CHM: variants seen among roughly 807,000 people sequenced by gnomAD.
The protein encoded by CHM is CHM Rab escort protein, also known as rab proteins geranylgeranyltransferase component A 1.
A neutral mutation model predicts 49.0 loss-of-function variants in CHM; 10 were observed. That is an observed-to-expected ratio of 0.20 (90% CI 0.13 to 0.35). CHM has a LOEUF of 0.35. Among genes scored for constraint, CHM ranks in the 10% least tolerant of loss-of-function variants. The pLI is 1.00. For missense variants in CHM, 455 were observed against 478.4 expected (o/e 0.95, Z 0.46); for synonymous variants, 184 against 167.5 (o/e 1.10, Z -0.76).
chrX:85,957,265 A>G (rs1279267925), intron 7 of CHM, among the ~76,000 whole-genome samples: 1 of 111,882 alleles, frequency 8.9e-6, no homozygotes, highest in Non-Finnish European at 1.9e-5. Context: ...TGACACTAAA[A>G]TGGCATATTC....
chrX:86,035,133 G>T (rs1445176870), intron 1 of CHM, among the ~76,000 whole-genome samples: 1 of 112,108 alleles, frequency 8.9e-6, no homozygotes, highest in Non-Finnish European at 1.9e-5. Flanking sequence ...AAACAAAGAA[G>T]AGAGGTCTAC....
At chrX:85,953,435 T>C (rs1458257498) in intron 8 of CHM, among the ~76,000 whole-genome samples, 2 of 111,534 alleles carry the variant, frequency 1.8e-5, no homozygotes, top group African/African-American at 3.3e-5. Context: ...AAAATGTATA[T>C]AGAGACACAA....
intron 1 of CHM, among the ~76,000 whole-genome samples, chrX:86,035,820 G>A (rs1934215947): frequency 1.1e-5 from 1 of 91,992 alleles, no homozygotes; most frequent in Non-Finnish European, 2.1e-5. Flanking sequence ...TTGAGATGGA[G>A]CCTCGCTCTG....
chrX:85,904,889 C>T (rs1926498255), intron 9 of CHM, among the ~76,000 whole-genome samples: 2 of 111,528 alleles, frequency 1.8e-5, no homozygotes, highest in Admixed American at 1.9e-4. Flanking sequence ...CTCCAAGCTC[C>T]CTTTTAATAA....
intron 9 of CHM, among the ~76,000 whole-genome samples, chrX:85,902,793 C>T (rs1309359855): frequency 3.6e-5 from 4 of 111,991 alleles, no homozygotes; most frequent in Non-Finnish European, 7.5e-5. Context: ...GAGAAATCTG[C>T]TGTCATTAAA....
intron 5 of CHM, among the ~76,000 whole-genome samples, chrX:85,962,093 A>G (rs749521629): frequency 2.7e-5 from 3 of 112,727 alleles, no homozygotes; most frequent in Non-Finnish European, 5.6e-5. Flanking sequence ...CATTTATATC[A>G]TCATTTATTT....
chrX:86,026,185 T>A (rs960054131), intron 2 of CHM, among the ~76,000 whole-genome samples: 36 of 88,581 alleles, frequency 4.1e-4, no homozygotes, highest in Non-Finnish European at 4.3e-4. Context: ...AGTAGTGCAA[T>A]CTCGGCTTAC....
At chrX:85,923,553 C>T (rs1438824788) in intron 8 of CHM, among the ~76,000 whole-genome samples, 1 of 112,056 alleles carries the variant, frequency 8.9e-6, no homozygotes, top group Non-Finnish European at 1.9e-5. Context: ...CAACAAGCAA[C>T]AACATTTATA....
chrX:85,991,247 A>G (rs752881238), intron 2 of CHM, among the ~76,000 whole-genome samples: 2 of 112,035 alleles, frequency 1.8e-5, no homozygotes, highest in Non-Finnish European at 3.8e-5. Context: ...AGGCAGATAG[A>G]AAGGGTGTTA....
At chrX:86,014,885 T>C (rs1329369772) in intron 2 of CHM, among the ~76,000 whole-genome samples, 2 of 110,522 alleles carry the variant, frequency 1.8e-5, no homozygotes, top group Middle Eastern at 4.6e-3. Context: ...TAGATAAGCA[T>C]TGACTTACAA....
chrX:86,038,940 T>G (rs899715343), intron 1 of CHM, among the ~76,000 whole-genome samples: 2 of 112,514 alleles, frequency 1.8e-5, no homozygotes. Context: ...TTTTTTCAAT[T>G]GAAAGATTCT....
At chrX:86,007,842 G>A (rs1932897739) in intron 2 of CHM, among the ~76,000 whole-genome samples, 1 of 112,031 alleles carries the variant, frequency 8.9e-6, no homozygotes, top group East Asian at 2.8e-4. Context: ...TGTGGAAGTT[G>A]GTGTGGCAAT....
At chrX:85,895,974 G>A (rs1190419784) in intron 11 of CHM, among the ~76,000 whole-genome samples, 3 of 105,340 alleles carry the variant, frequency 2.8e-5, no homozygotes, top group African/African-American at 1.0e-4. Context: ...CAGTACCTCC[G>A]TCACCTGAAC....
At chrX:86,022,589 T>C (rs1044044848) in intron 2 of CHM, among the ~76,000 whole-genome samples, 7 of 111,565 alleles carry the variant, frequency 6.3e-5, no homozygotes, top group Non-Finnish European at 1.1e-4. Flanking sequence ...CAGGTTTCTA[T>C]ACTTGCCTGT....
At chrX:85,915,193 G>A (rs992558395) in intron 8 of CHM, among the ~76,000 whole-genome samples, 12 of 111,135 alleles carry the variant, frequency 1.1e-4, no homozygotes, top group Admixed American at 5.8e-4. Flanking sequence ...AGAAAACCTC[G>A]GGCCAATATC....
intron 1 of CHM, among the ~76,000 whole-genome samples, chrX:86,032,765 C>A (rs1330045948): frequency 9.0e-6 from 1 of 111,569 alleles, no homozygotes; most frequent in African/African-American, 3.3e-5. Flanking sequence ...TTATTAAACA[C>A]AGGTAAATAT....
chrX:86,016,747 A>C (rs950772276), intron 2 of CHM, among the ~76,000 whole-genome samples: 1 of 112,237 alleles, frequency 8.9e-6, no homozygotes, highest in East Asian at 2.8e-4. Flanking sequence ...CAGAGCCCCC[A>C]CACAGAGTCC....
At chrX:85,965,885 C>T (rs914086648) in intron 4 of CHM, among the ~76,000 whole-genome samples, 2 of 111,561 alleles carry the variant, frequency 1.8e-5, no homozygotes, top group African/African-American at 6.5e-5. Context: ...TTTGTTCTAT[C>T]CTAGATTTAT....
intron 14 of CHM, among the ~76,000 whole-genome samples, chrX:85,868,260 T>C (rs1923833362): frequency 9.1e-6 from 1 of 109,906 alleles, no homozygotes. Context: ...TGTAGAGCTG[T>C]TGGTTTAAGG....
Sources: gnomAD v4.1 joint callset for allele counts (sites outside exome capture counted in the v4.1 genomes callset) on GRCh38, gnomAD v4.1.1 for gene constraint, MANE v1.5 for transcripts, NCBI Gene and HGNC (gene_info 2026-07-23, HGNC 2026-07-21) for gene names.